ART3: variants seen among roughly 807,000 people sequenced by gnomAD.
The protein encoded by ART3 is ecto-ADP-ribosyltransferase 3.
Under a neutral mutation model 48.5 loss-of-function variants are expected in ART3, and 49 were observed. The ratio of observed to expected loss-of-function variants is 1.01; its 90% CI spans 0.80 to 1.28. ART3 has a LOEUF of 1.28. ART3 is among the 50% of genes most tolerant of loss of function. ART3 has a pLI of 0.00. For synonymous variants in ART3, 145 were observed against 157.2 expected (o/e 0.92, Z 0.58); for missense variants, 438 against 454.3 (o/e 0.96, Z 0.33).
chr4:76,057,317 T>G (rs1718787292), intron 1 of ART3, among the ~76,000 whole-genome samples: 1 of 152,108 alleles, frequency 6.6e-6, no homozygotes, highest in Non-Finnish European at 1.5e-5. Context: ...AGTGGCAAAA[T>G]TGGTGAAATT....
chr4:76,100,958 T>C, intron 7 of ART3, 32 bp from the exon 8 acceptor site: 1 of 1,612,200 alleles, frequency 6.2e-7, no homozygotes, highest in East Asian at 2.2e-5. Context: ...TGTTCCATTG[T>C]TAAAACTGAT....
rs565169038 is a variant in ART3 at position 76,023,010 on chromosome 4, A to G, written c.-10+11690A>G. Among the ~76,000 whole-genome samples, 12 of 152,346 alleles carry G rather than the reference A, an allele frequency of 7.9e-5. No individual in the cohort carries two copies. In the South Asian group the frequency reaches 2.5e-3, roughly 32 times the overall value. On this transcript the variant is annotated intron_variant, in intron 1 of 9. Coordinates refer to the ART3 transcript ENST00000341029. ...TGATTATCTGGAAGAAAAGAATTGCAGCTTGTTGATTATAAAGTCAAACCC... is the reference window on the plus strand; with the variant it reads ...TGATTATCTGGAAGAAAAGAATTGCGGCTTGTTGATTATAAAGTCAAACCC...
At chr4:76,077,207 G>A (rs1448059855) in intron 2 of ART3, among the ~76,000 whole-genome samples, 1 of 152,036 alleles carries the variant, frequency 6.6e-6, no homozygotes, top group East Asian at 1.9e-4. Flanking sequence ...CCATTCCCTG[G>A]CAACCACTGT....
At chr4:76,104,752 T>G in intron 10 of ART3, 123 bp downstream of exon 10, 1 of 1,226,414 alleles carries the variant, frequency 8.2e-7, no homozygotes, top group Non-Finnish European at 1.2e-6. Flanking sequence ...CCATCAGTAG[T>G]CACATGTACA....
Position 76,048,915 on chromosome 4 carries a change from CA to C in ART3, c.-9-26961del, listed in dbSNP as rs529425471. Among the ~76,000 whole-genome samples, 608 of 152,004 alleles carry C rather than the reference CA, an allele frequency of 4.0e-3. 9 individuals are homozygous for C. The highest frequency in any genetic ancestry group is 6.3e-3 in the Non-Finnish European group (428 of 67,910). ...CCTGTCCTATAAAGATCTTATGCCC[CA>C]AAAATGAAGTGGAGGGCCATACCCT... On this transcript the variant is annotated intron_variant, in intron 1 of 9. Transcript: ENST00000341029.
chr4:76,110,896 CTATTTT>C (rs1330750876), intron 11 of ART3, among the ~76,000 whole-genome samples: 6 of 152,006 alleles, frequency 3.9e-5, no homozygotes, highest in Admixed American at 2.6e-4. Flanking sequence ...AGATGCTAGT[CTATTTT>C]TATCATTTAC....
intron 1 of ART3, among the ~76,000 whole-genome samples, chr4:76,064,320 T>A (rs575870555): frequency 6.6e-6 from 1 of 152,192 alleles, no homozygotes; most frequent in African/African-American, 2.4e-5. Context: ...AAATAAAAAA[T>A]TTTAGTGATC....
Position 76,112,746 on chromosome 4 carries a change from T to C in ART3, c.*227T>C. 2 of 400,052 alleles carry C rather than the reference T, an allele frequency of 5.0e-6. No homozygotes were observed. Among genetic ancestry groups the C allele is most frequent in the South Asian group, 6.1e-5 (1 of 16,450 alleles). 24.8% of individuals were successfully genotyped at this position (400,052 alleles called of 1,614,324 possible). On this transcript the variant is annotated 3_prime_UTR_variant, in exon 12 of 12. Transcript: ENST00000355810. Reference sequence around the variant, plus strand: ...TACAATGGAAAAAAATCCCGAAAACTGTATACTTCTGATTAAATTCAATAA... The same window carrying C: ...TACAATGGAAAAAAATCCCGAAAACCGTATACTTCTGATTAAATTCAATAA...
intron 1 of ART3, among the ~76,000 whole-genome samples, chr4:76,065,022 A>G (rs5005112): frequency 0.61 from 92,301 of 151,250 alleles, 29,174 homozygotes; most frequent in East Asian, 0.94. Context: ...AGTAGAGACG[A>G]GGTTTCACCA....
chr4:76,070,769 T>G (rs1485281646), upstream of ART3, among the ~76,000 whole-genome samples: 1 of 152,198 alleles, frequency 6.6e-6, no homozygotes, highest in African/African-American at 2.4e-5. Flanking sequence ...ACCATCATCT[T>G]TTGTTACTAC....
intron 1 of ART3, among the ~76,000 whole-genome samples, chr4:76,069,389 T>TGTTTTTG (rs1560609897): frequency 1.9e-4 from 24 of 126,658 alleles, no homozygotes; most frequent in African/African-American, 6.5e-4. Flanking sequence ...TTAATTCCTT[T>TGTTTTTG]TTTTTTTTTT....
At chr4:76,029,856 T>G (rs1733716593) in intron 1 of ART3, among the ~76,000 whole-genome samples, 1 of 152,218 alleles carries the variant, frequency 6.6e-6, no homozygotes, top group South Asian at 2.1e-4. Context: ...TGTGAGTGTT[T>G]GGCATCTTAA....
At chr4:76,099,050 C>G in intron 5 of ART3, 63 bp downstream of exon 5, 1 of 1,491,386 alleles carries the variant, frequency 6.7e-7, no homozygotes, top group Non-Finnish European at 9.3e-7. Context: ...GCCTGTAATC[C>G]CAGCGCTTTG....
At chr4:76,054,783 A>G (rs1327823651) in intron 1 of ART3, among the ~76,000 whole-genome samples, 1 of 152,220 alleles carries the variant, frequency 6.6e-6, no homozygotes, top group Non-Finnish European at 1.5e-5. Flanking sequence ...GCAATGAGCT[A>G]TGATCATCCA....
chr4:76,086,862 C>A (rs967464174), intron 3 of ART3, among the ~76,000 whole-genome samples: 4 of 152,152 alleles, frequency 2.6e-5, no homozygotes, highest in African/African-American at 9.7e-5. Context: ...TCCTGCTCCC[C>A]CTATGTGACA....
chr4:76,029,092 A>C (rs985897456), intron 1 of ART3, among the ~76,000 whole-genome samples: 3 of 152,226 alleles, frequency 2.0e-5, no homozygotes, highest in African/African-American at 7.2e-5. Context: ...TTCCATTTTT[A>C]ATCAAAATCT....
At chr4:76,020,313 G>C (rs1275050489) in intron 1 of ART3, among the ~76,000 whole-genome samples, 1 of 151,908 alleles carries the variant, frequency 6.6e-6, no homozygotes, top group Non-Finnish European at 1.5e-5. Flanking sequence ...TTCCAGGCTG[G>C]TCTCAAACTC....
At chr4:76,030,505 A>G (rs941972455) in intron 1 of ART3, among the ~76,000 whole-genome samples, 2 of 152,342 alleles carry the variant, frequency 1.3e-5, no homozygotes, top group Non-Finnish European at 2.9e-5. Context: ...AAAATTTACC[A>G]TTTTAACCAT....
intron 1 of ART3, among the ~76,000 whole-genome samples, chr4:76,015,577 C>G (rs930582378): frequency 6.6e-6 from 1 of 152,110 alleles, no homozygotes; most frequent in Admixed American, 6.6e-5. Context: ...TCAGTAATAA[C>G]TTTAAATGTA....
Sources: gnomAD v4.1 joint callset for allele counts (sites outside exome capture counted in the v4.1 genomes callset) on GRCh38, gnomAD v4.1.1 for gene constraint, MANE v1.5 for transcripts, NCBI Gene and HGNC (gene_info 2026-07-23, HGNC 2026-07-21) for gene names.